Variants in PGBD5 observed in about 807,000 individuals in gnomAD.
PGBD5 encodes the protein piggyBac transposable element derived 5.
Under a neutral mutation model 47.9 loss-of-function variants are expected in PGBD5, and 14 were observed. That is an observed-to-expected ratio of 0.29 (90% CI 0.19 to 0.46). The LOEUF (loss-of-function observed/expected upper bound fraction) is 0.46. Among genes scored for constraint, PGBD5 ranks in the 20% least tolerant of loss-of-function variants. The probability of loss-of-function intolerance (pLI) is 1.00; values close to 1 mark genes in which losing one functional copy is unlikely to be tolerated. For missense variants in PGBD5, 635 were observed against 716.0 expected (o/e 0.89, Z 1.29); for synonymous variants, 316 against 306.3 (o/e 1.03, Z -0.33).
At chr1:230,337,735 C>A (rs1478272993) in intron 3 of PGBD5, among the ~76,000 whole-genome samples, 1 of 152,092 alleles carries the variant, frequency 6.6e-6, no homozygotes, top group African/African-American at 2.4e-5. Flanking sequence ...TTTATAGTAA[C>A]CCCCATCAGG....
intron 3 of PGBD5, among the ~76,000 whole-genome samples, chr1:230,345,640 A>G (rs1041928638): frequency 6.6e-6 from 1 of 152,262 alleles, no homozygotes; most frequent in Non-Finnish European, 1.5e-5. Context: ...ACAGGCATTC[A>G]GTAGAAATTT....
rs761960839 is a variant in PGBD5 at position 230,361,978 on chromosome 1, C to T, written c.332-4657G>A. On this transcript the variant is annotated intron_variant, in intron 1 of 6. Transcript: ENST00000391860. ...TATTTCCAGCAGTGAGAGCATCTCA[C>T]GCAAAGGTCCTGTGGCCAGACAGAA... is the stretch of plus-strand genomic sequence containing the variant. 3.9e-5 allele frequency among the ~76,000 whole-genome samples: 6 copies of T among 152,336 alleles called. No individual in the cohort carries two copies. In the South Asian group the frequency reaches 8.3e-4, roughly 21 times the overall value.
At chr1:230,354,960 A>G (rs115122908) in intron 2 of PGBD5, among the ~76,000 whole-genome samples, 3,597 of 152,328 alleles carry the variant, frequency 0.024, 127 homozygotes, top group African/African-American at 0.081. Context: ...GGAAAAGTGA[A>G]GGCAAAAGTA....
At position 230,316,834 on chromosome 1, in the gene PGBD5, G is replaced by T. The variant is rs552362776; in HGVS notation, c.*6591C>A. 3.3e-5 allele frequency: 5 copies of T among 152,278 alleles called. No homozygotes were observed. Among genetic ancestry groups the T allele is most frequent in the African/African-American group, 1.2e-4 (5 of 41,550 alleles). 9.4% of individuals were successfully genotyped at this position (152,278 alleles called of 1,614,324 possible). ...GAGCTAGAGCCTTCCTTTTGGCTTGGGCATGACCTCTCGGATAGCTGGGAA... is the reference window on the plus strand; with the variant it reads ...GAGCTAGAGCCTTCCTTTTGGCTTGTGCATGACCTCTCGGATAGCTGGGAA... On this transcript the variant is annotated 3_prime_UTR_variant, in exon 7 of 7. Transcript: ENST00000391860.
At position 230,320,273 on chromosome 1, in the gene PGBD5, T is replaced by A. The variant is rs1315551046; in HGVS notation, c.*3152A>T. On this transcript the variant is annotated 3_prime_UTR_variant, in exon 7 of 7. Transcript: ENST00000391860. ...CAGACATTCACTCAATGAAGTTAAA[T>A]TTGCCTAAGAAGGACCTCACGGGAC... The A allele has an allele frequency of 1.3e-5, 2 of 152,064 alleles. No homozygotes were observed. Among genetic ancestry groups the A allele is most frequent in the African/African-American group, 2.4e-5 (1 of 41,374 alleles). 9.4% of individuals were successfully genotyped at this position (152,064 alleles called of 1,614,324 possible). A position where few individuals can be genotyped will look rare whatever the true frequency, so the allele number is the denominator to read the frequency against.
chr1:230,372,928 C>T (rs114513540), intron 1 of PGBD5, among the ~76,000 whole-genome samples: 1,925 of 152,250 alleles, frequency 0.013, 10 homozygotes, highest in Non-Finnish European at 0.018. Flanking sequence ...TACATATCAC[C>T]TCCTCCCAGT....
intron 3 of PGBD5, among the ~76,000 whole-genome samples, chr1:230,338,574 T>G (rs1258806125): frequency 1.3e-5 from 2 of 151,766 alleles, no homozygotes; most frequent in East Asian, 3.9e-4. Context: ...CTGAGGTGAG[T>G]GATTACCTGA....
rs916505609 is a variant in PGBD5 at position 230,357,738 on chromosome 1, C to A, written c.332-417G>T. 1.3e-5 allele frequency among the ~76,000 whole-genome samples: 2 copies of A among 152,184 alleles called. No homozygotes were observed. Among genetic ancestry groups the A allele is most frequent in the Admixed American group, 1.3e-4 (2 of 15,286 alleles). Reference sequence around the variant, plus strand: ...GTCGGTCTAGGGAGTTTCACACACTCGGGGCACAAGCCGAGTCTTAACTAG... The same window carrying A: ...GTCGGTCTAGGGAGTTTCACACACTAGGGGCACAAGCCGAGTCTTAACTAG... On this transcript the variant is annotated intron_variant, in intron 1 of 6. Coordinates refer to ENST00000391860, the MANE Select transcript of PGBD5 (RefSeq NM_001258311.2). This position sits in a 1 kb window ranked among gnomAD's most constrained non-coding sequence, Gnocchi z 5.7.
At chr1:230,374,159 C>T (rs828460) in intron 1 of PGBD5, among the ~76,000 whole-genome samples, 65,317 of 152,016 alleles carry the variant, frequency 0.43, 15,549 homozygotes, top group African/African-American at 0.63. Context: ...TGGCTCATGC[C>T]TGTAATCCCA....
At chr1:230,368,893 T>C (rs1667885266) in intron 1 of PGBD5, among the ~76,000 whole-genome samples, 1 of 152,258 alleles carries the variant, frequency 6.6e-6, no homozygotes, top group Admixed American at 6.5e-5. Flanking sequence ...TTTGTTCTTA[T>C]ACACAAGTGA....
At chr1:230,396,558 T>TA (rs1656983424) in intron 1 of PGBD5, among the ~76,000 whole-genome samples, 2 of 113,378 alleles carry the variant, frequency 1.8e-5, no homozygotes, top group African/African-American at 8.2e-5. Flanking sequence ...TACATTTTGT[T>TA]GCCCCCCCTC....
At chr1:230,404,568 CT>C (rs1463636817) in intron 1 of PGBD5, among the ~76,000 whole-genome samples, 1 of 146,240 alleles carries the variant, frequency 6.8e-6, no homozygotes, top group African/African-American at 2.6e-5. Context: ...TGCAACTGTG[CT>C]GCTGTACTCT....
chr1:230,320,772 T>G lies in PGBD5; in HGVS notation c.*2653A>C, dbSNP rs1667021356. The G allele has an allele frequency of 6.6e-6, 1 of 152,042 alleles. No homozygotes were observed. Among genetic ancestry groups the G allele is most frequent in the Non-Finnish European group, 1.5e-5 (1 of 68,004 alleles). The allele number at this position is 152,042 out of a possible 1,614,324, so 9.4% of individuals were successfully genotyped here. On this transcript the variant is annotated 3_prime_UTR_variant, in exon 7 of 7. Transcript: ENST00000391860. Reference sequence around the variant, plus strand: ...CTCCAAAAAGCCACTTTGAATCACATCTCTAAGGCAAGGTCCAGGTCCCTG... The same window carrying G: ...CTCCAAAAAGCCACTTTGAATCACAGCTCTAAGGCAAGGTCCAGGTCCCTG...
intron 1 of PGBD5, among the ~76,000 whole-genome samples, chr1:230,398,483 C>G (rs1165714174): frequency 2.0e-5 from 3 of 152,182 alleles, no homozygotes; most frequent in African/African-American, 7.2e-5. Context: ...TTTTAAAGAC[C>G]TCATCTCCAA....
rs922405355 is a variant in PGBD5, at chr1:230,319,026, A to T, written c.*4399T>A. The stretch of plus-strand genomic sequence containing the variant: ...GAGGATTGGATATGGAAAGGAGAAA[A>T]TCCCCCACAAAGTTGTCAGGTAAGT... On this transcript the variant is annotated 3_prime_UTR_variant, in exon 7 of 7. Coordinates refer to ENST00000391860, the MANE Select transcript of PGBD5 (RefSeq NM_001258311.2). 1.3e-5 allele frequency: 2 copies of T among 152,178 alleles called. No individual in the cohort carries two copies. The highest frequency in any genetic ancestry group is 2.9e-5 in the Non-Finnish European group (2 of 68,044). 9.4% of individuals were successfully genotyped at this position (152,178 alleles called of 1,614,324 possible). A position where few individuals can be genotyped will look rare whatever the true frequency, so the allele number is the denominator to read the frequency against.
chr1:230,337,082 C>T, intron 4 of PGBD5, 26 bp downstream of exon 4: 1 of 1,608,534 alleles, frequency 6.2e-7, no homozygotes, highest in South Asian at 1.1e-5. Context: ...TGGGCCGTAT[C>T]CTCACTGGCT....
At chr1:230,324,755 C>T (rs1005247918) in intron 6 of PGBD5, among the ~76,000 whole-genome samples, 2 of 152,138 alleles carry the variant, frequency 1.3e-5, no homozygotes, top group African/African-American at 2.4e-5. Context: ...GGTGTCTGGA[C>T]GTCCGCACAT....
intron 1 of PGBD5, among the ~76,000 whole-genome samples, chr1:230,419,896 C>T (rs1034963389): frequency 6.6e-6 from 1 of 152,160 alleles, no homozygotes; most frequent in African/African-American, 2.4e-5. Flanking sequence ...GAGGCCAAGG[C>T]AGGTGGATCA....
intron 3 of PGBD5, among the ~76,000 whole-genome samples, chr1:230,339,606 A>G (rs1199859043): frequency 1.3e-5 from 2 of 152,122 alleles, no homozygotes; most frequent in African/African-American, 4.8e-5. Context: ...TGGAAACACA[A>G]GTGTCCATCA....
Sources: allele counts gnomAD v4.1 joint callset (sites outside exome capture counted in the v4.1 genomes callset), GRCh38; gene constraint gnomAD v4.1.1; non-coding constraint Gnocchi (gnomAD v3.1); transcripts MANE v1.5; gene names NCBI Gene and HGNC (gene_info 2026-07-23, HGNC 2026-07-21).